TJP1: variants seen among roughly 807,000 people sequenced by gnomAD.
TJP1 encodes the protein tight junction protein ZO-1.
In TJP1, 43 loss-of-function variants were observed where a neutral mutation model predicts 194.2. The ratio of observed to expected loss-of-function variants is 0.22; its 90% confidence interval spans 0.17 to 0.29. The LOEUF (loss-of-function observed/expected upper bound fraction) is 0.29, where lower values mean the gene tolerates loss of function less well. Among genes scored for constraint, TJP1 ranks in the 10% least tolerant of loss-of-function variants. The probability of loss-of-function intolerance (pLI) is 1.00; values close to 1 mark genes in which losing one functional copy is unlikely to be tolerated. For synonymous variants in TJP1, 801 were observed against 779.0 expected (o/e 1.03, Z -0.47); for missense variants, 1,971 against 2,185.7 (o/e 0.90, Z 1.96).
intron 2 of TJP1, among the ~76,000 whole-genome samples, chr15:29,938,881 C>T (rs549192412): frequency 2.6e-5 from 4 of 152,344 alleles, no homozygotes; most frequent in East Asian, 1.9e-4. Context: ...TAACTGCACA[C>T]GCTAGAAAGC....
intron 2 of TJP1, among the ~76,000 whole-genome samples, chr15:29,950,030 TTCA>T (rs1458267008): frequency 7.4e-5 from 1 of 13,568 alleles, no homozygotes. Context: ...CACCTCCACC[TTCA>T]CCACCACCTC....
chr15:29,739,258 T>C (rs2044236772), intron 10 of TJP1, among the ~76,000 whole-genome samples: 1 of 152,222 alleles, frequency 6.6e-6, no homozygotes, highest in Non-Finnish European at 1.5e-5. Flanking sequence ...TGACATTTTA[T>C]ACTTTGTCCT....
At chr15:29,965,186 CATTTATTT>C (rs58512547) in intron 1 of TJP1, among the ~76,000 whole-genome samples, 78,112 of 148,118 alleles carry the variant, frequency 0.53, 21,224 homozygotes, top group Non-Finnish European at 0.59. Flanking sequence ...TACATCCTCA[CATTTATTT>C]ATTTATTTAT....
intron 10 of TJP1, among the ~76,000 whole-genome samples, chr15:29,740,630 TA>T (rs948373459): frequency 8.9e-5 from 13 of 145,910 alleles, no homozygotes; most frequent in Non-Finnish European, 9.1e-5. Flanking sequence ...AGACCCTGTT[TA>T]AAAAAAAAAA....
intron 25 of TJP1, among the ~76,000 whole-genome samples, chr15:29,707,063 C>T (rs1789701563): frequency 6.6e-6 from 1 of 152,154 alleles, no homozygotes. Flanking sequence ...TATGGTCCTG[C>T]CTCAGCATTC....
chr15:29,826,321 C>T (rs11634700), upstream of TJP1, among the ~76,000 whole-genome samples: 1 of 151,980 alleles, frequency 6.6e-6, no homozygotes, highest in Non-Finnish European at 1.5e-5. Context: ...CCAGGCAGGT[C>T]GGAAGCTCCA....
rs74368288 is a variant in TJP1 at position 29,940,339 on chromosome 15, C to T, written c.306+15893G>A. On this transcript the variant is annotated intron_variant, in intron 2 of 28. Transcript: ENST00000356107. ...TGGCCCTCCCCTTCTGCACCAGGTA[C>T]ACAGTCAGGCCTCACGAAACATTAG... Among the ~76,000 whole-genome samples, 1,469 of 152,290 alleles carry T rather than the reference C, an allele frequency of 9.6e-3. 58 individuals carry two copies. The highest frequency in any genetic ancestry group is 0.073 in the East Asian group (377 of 5,166).
At chr15:29,753,483 CAA>C (rs34221786) in intron 8 of TJP1, among the ~76,000 whole-genome samples, 737 of 47,868 alleles carry the variant, frequency 0.015, 5 homozygotes, top group East Asian at 0.13. Flanking sequence ...GACTCTGTGT[CAA>C]AAAAAAAAAA....
chr15:29,840,966 A>G (rs1458810764), intron 2 of TJP1, among the ~76,000 whole-genome samples: 1 of 152,172 alleles, frequency 6.6e-6, no homozygotes, highest in East Asian at 1.9e-4. Flanking sequence ...ATGTGTGGCT[A>G]TCTGAAATTG....
At chr15:29,956,579 C>T (rs1279329516) in intron 1 of TJP1, among the ~76,000 whole-genome samples, 1 of 152,172 alleles carries the variant, frequency 6.6e-6, no homozygotes, top group Admixed American at 6.5e-5. Context: ...TCAAATAGTA[C>T]AACATTAAGA....
intron 1 of TJP1, among the ~76,000 whole-genome samples, chr15:29,802,017 C>T (rs1231637129): frequency 6.6e-6 from 1 of 152,068 alleles, no homozygotes; most frequent in Non-Finnish European, 1.5e-5. Flanking sequence ...GTAAGGAATT[C>T]AAAATAAATT....
At chr15:29,889,262 T>G (rs1196475658) in intron 2 of TJP1, among the ~76,000 whole-genome samples, 1 of 152,220 alleles carries the variant, frequency 6.6e-6, no homozygotes, top group African/African-American at 2.4e-5. Context: ...ATAAAACTGC[T>G]ATGTTTGAGA....
chr15:29,873,867 C>T (rs866242881), intron 2 of TJP1, among the ~76,000 whole-genome samples: 28 of 152,072 alleles, frequency 1.8e-4, no homozygotes, highest in East Asian at 5.8e-4. Context: ...GTAAATGGAA[C>T]GGCAGATCAT....
At chr15:29,939,653 A>G (rs1813632440) in intron 2 of TJP1, among the ~76,000 whole-genome samples, 2 of 152,194 alleles carry the variant, frequency 1.3e-5, no homozygotes, top group South Asian at 4.1e-4. Flanking sequence ...TCCAAAATTC[A>G]TTTGTTGAAA....
chr15:29,950,061 CCACCACCACCTCCACCACCACCAT>C (rs2055632492), intron 2 of TJP1, among the ~76,000 whole-genome samples: 1 of 66,298 alleles, frequency 1.5e-5, no homozygotes, highest in Non-Finnish European at 2.8e-5. Context: ...ACCACCTCCA[CCACCACCACCTCCACCACCACCAT>C]CTTCACCACC....
rs1264864418 is a variant in TJP1, at chr15:29,713,971, A to G, written c.4202+2640T>C. 2.0e-5 allele frequency among the ~76,000 whole-genome samples: 3 copies of G among 152,202 alleles called. No homozygotes were observed. The South Asian group carries it at 6.2e-4, about 31-fold the overall frequency. On this transcript the variant is annotated intron_variant, in intron 23 of 27. Coordinates refer to ENST00000614355, the MANE Select transcript of TJP1 (RefSeq NM_001330239.4). The stretch of plus-strand genomic sequence containing the variant: ...TCTGTTTCACAATATATCCCTGTGA[A>G]AACAATGACCAGGTAATACAGGTTC...
At chr15:29,788,731 A>T (rs2047872182) in intron 2 of TJP1, among the ~76,000 whole-genome samples, 1 of 152,240 alleles carries the variant, frequency 6.6e-6, no homozygotes, top group South Asian at 2.1e-4. Flanking sequence ...TCTTTTACAT[A>T]ATTCTATTTT....
rs531418716 is a variant in TJP1, at chr15:29,718,104, T to C, written c.3891A>G (p.Ala1297=). The part of the protein sequence containing the change: ...DTGSFKPPEV[A]SKPSGAPIIG... ...TGATGGGAGCACCTGAAGGTTTAGATGCTACTTCTGGAGGCTGTTTAAAAA... is the reference window on the plus strand; with the variant it reads ...TGATGGGAGCACCTGAAGGTTTAGACGCTACTTCTGGAGGCTGTTTAAAAA... The change falls in exon 22 of 28, where the codon GCA becomes GCG. Residue 1297 remains alanine (A), a synonymous_variant. Coordinates refer to ENST00000614355, the MANE Select transcript of TJP1 (RefSeq NM_001330239.4). The C allele has an allele frequency of 1.9e-6, 3 of 1,599,826 alleles. No homozygotes were observed. Among genetic ancestry groups the C allele is most frequent in the Middle Eastern group, 1.7e-4 (1 of 5,886 alleles).
chr15:29,956,966 T>C (rs2055969848), intron 1 of TJP1, among the ~76,000 whole-genome samples: 1 of 152,170 alleles, frequency 6.6e-6, no homozygotes, highest in Admixed American at 6.5e-5. Flanking sequence ...AGACTGAAGT[T>C]TTCTAGGTAA....
Sources: allele counts gnomAD v4.1 joint callset (sites outside exome capture counted in the v4.1 genomes callset), GRCh38; gene constraint gnomAD v4.1.1; transcripts MANE v1.5; gene names NCBI Gene and HGNC (gene_info 2026-07-23, HGNC 2026-07-21).